The following NUP35 variants were observed in gnomAD, a reference collection of about 807,000 sequenced individuals.
NUP35 encodes the protein nucleoporin 35, also known as nucleoporin NUP35.
Under a neutral mutation model 41.5 loss-of-function variants are expected in NUP35, and 25 were observed. The ratio of observed to expected loss-of-function variants is 0.60; its 90% CI spans 0.44 to 0.84. The LOEUF (loss-of-function observed/expected upper bound fraction) is 0.84, where lower values mean the gene tolerates loss of function less well. NUP35 is among the 40% of genes least tolerant of loss of function. The probability of loss-of-function intolerance (pLI) is 0.00; values close to 1 mark genes in which losing one functional copy is unlikely to be tolerated. For synonymous variants in NUP35, 149 were observed against 130.7 expected (o/e 1.14, Z -0.96); for missense variants, 396 against 396.6 (o/e 1.00, Z 0.01).
chr2:183,159,856 AAATT>A (rs1685807656), intron 8 of NUP35: 1 of 467,076 alleles, frequency 2.1e-6, no homozygotes, highest in Non-Finnish European at 3.7e-6. Flanking sequence ...TAAAAAAAAA[AAATT>A]ATTTGCCATT....
intron 4 of NUP35, among the ~76,000 whole-genome samples, chr2:183,145,546 C>T (rs979656695): frequency 1.3e-5 from 2 of 152,142 alleles, no homozygotes; most frequent in Non-Finnish European, 2.9e-5. Flanking sequence ...TATTCCTCCA[C>T]ATGTACCCCA....
intron 4 of NUP35, among the ~76,000 whole-genome samples, chr2:183,141,522 C>T (rs1301383001): frequency 2.0e-5 from 3 of 152,218 alleles, no homozygotes; most frequent in Admixed American, 1.3e-4. Context: ...AATATAGTTA[C>T]ATCTAACTTT....
chr2:183,131,016 C>G, intron 3 of NUP35: 1 of 744,434 alleles, frequency 1.3e-6, no homozygotes, highest in Non-Finnish European at 2.0e-6. Context: ...GGGTCCTGAT[C>G]AGTTGCCCAG....
intron 4 of NUP35, among the ~76,000 whole-genome samples, chr2:183,150,946 T>C (rs1349316140): frequency 6.6e-6 from 1 of 152,222 alleles, no homozygotes; most frequent in African/African-American, 2.4e-5. Context: ...ACAGAAGTAC[T>C]CAATTGGTGG....
At chr2:183,126,239 C>T (rs576030926) in intron 1 of NUP35, among the ~76,000 whole-genome samples, 8 of 152,310 alleles carry the variant, frequency 5.3e-5, no homozygotes, top group African/African-American at 1.9e-4. Flanking sequence ...GCCATTTTGT[C>T]CAGACTGGTC....
At chr2:183,157,385 A>G in intron 5 of NUP35, 59 bp from the exon 6 acceptor site, 2 of 1,179,394 alleles carry the variant, frequency 1.7e-6, no homozygotes, top group Non-Finnish European at 2.5e-6. Context: ...TCTTGTAGTA[A>G]TTTGCATTCA....
chr2:183,121,206 G>GA (rs889545930), upstream of NUP35, among the ~76,000 whole-genome samples: 8 of 148,942 alleles, frequency 5.4e-5, no homozygotes, highest in Non-Finnish European at 1.0e-4. Context: ...TTGGCAATTA[G>GA]AAAAAAAAAA....
chr2:183,151,564 C>T lies in NUP35; in HGVS notation c.454C>T (p.Pro152Ser). Residue 152 changes from proline to serine, a missense_variant, in exon 5 of 9, where the codon CCT (proline) becomes TCT (serine). Physicochemically the swap from Pro to Ser is moderately conservative, Grantham distance 74 (BLOSUM62 -1). Transcript: ENST00000295119. Reference protein sequence around the residue: ...IGQPRKTTLSPAQLDPFYTQG... With the variant: ...IGQPRKTTLSSAQLDPFYTQG... ...TCAGCCACGAAAGACGACATTATCT[C>T]CTGCCCAGTTGGATCCTTTTTATAC... 6.2e-7 allele frequency: 1 copy of T among 1,613,998 alleles called. No individual in the cohort carries two copies. Among genetic ancestry groups the T allele is most frequent in the Middle Eastern group, 1.6e-4 (1 of 6,062 alleles).
chr2:183,144,050 A>G (rs999559321), intron 4 of NUP35, among the ~76,000 whole-genome samples: 3 of 152,238 alleles, frequency 2.0e-5, no homozygotes, highest in Non-Finnish European at 2.9e-5. Context: ...GTAGTTTACT[A>G]GAAAGACTCA....
intron 1 of NUP35, 76 bp from the exon 2 acceptor site, chr2:183,128,211 C>A: frequency 8.4e-7 from 1 of 1,184,364 alleles, no homozygotes; most frequent in Non-Finnish European, 1.1e-6. Flanking sequence ...ATGTTAGATT[C>A]TTGCATGTTT....
At chr2:183,121,915 T>TTTA (rs71008266), upstream of NUP35, among the ~76,000 whole-genome samples, 54 of 145,360 alleles carry the variant, frequency 3.7e-4, no homozygotes, top group African/African-American at 8.2e-4. Context: ...GGCCATTCTT[T>TTTA]TTATTATTAT....
chr2:183,128,524 C>T, intron 2 of NUP35, 67 bp downstream of exon 2: 3 of 1,133,946 alleles, frequency 2.6e-6, no homozygotes, highest in Non-Finnish European at 3.7e-6. Context: ...TTTTTGGCTT[C>T]CCTGAACCAC....
chr2:183,151,754 C>T, intron 5 of NUP35, 105 bp downstream of exon 5: 1 of 979,032 alleles, frequency 1.0e-6, no homozygotes. Context: ...AGCAAACACC[C>T]ATATTACTAC....
chr2:183,158,180 A>G, intron 6 of NUP35, 103 bp from the exon 7 acceptor site: 1 of 865,688 alleles, frequency 1.2e-6, no homozygotes, highest in Non-Finnish European at 1.6e-6. Flanking sequence ...CAAATACGGA[A>G]TGGAAGTAAA....
At chr2:183,150,820 A>G (rs1222218881) in intron 4 of NUP35, among the ~76,000 whole-genome samples, 4 of 152,182 alleles carry the variant, frequency 2.6e-5, no homozygotes, top group Admixed American at 1.3e-4. Context: ...CATTATTGCT[A>G]CTGTGAAGAT....
intron 1 of NUP35, chr2:183,118,229 T>G (rs1449227703): frequency 2.0e-5 from 3 of 152,170 alleles, no homozygotes; most frequent in Non-Finnish European, 4.4e-5. Context: ...GTTTATTTAG[T>G]GCGTTCAGAA....
chr2:183,122,074 TTTC>T (rs1700076415), upstream of NUP35, among the ~76,000 whole-genome samples: 1 of 151,102 alleles, frequency 6.6e-6, no homozygotes, highest in East Asian at 1.9e-4. Context: ...TCTTTTTCTT[TTTC>T]TTTTCTTTTT....
In NUP35 at chr2:183,133,643, T is replaced by C. The variant is rs770919150; in HGVS notation, c.397+20T>C. The stretch of plus-strand genomic sequence containing the variant: ...GAACAGGTAAGTGATTCTTTCTTTT[T>C]TTTTTTTTTTTTAAAAGACAGGGTC... On this transcript the variant is annotated intron_variant, in intron 4 of 8. Coordinates refer to ENST00000295119, the MANE Select transcript of NUP35 (RefSeq NM_138285.5). 562 of 1,539,594 alleles carry C rather than the reference T, an allele frequency of 3.7e-4. No individual in the cohort carries two copies. Among genetic ancestry groups the C allele is most frequent in the Non-Finnish European group, 4.1e-4 (464 of 1,145,574 alleles).
chr2:183,146,949 A>G (rs891870322), intron 4 of NUP35, among the ~76,000 whole-genome samples: 1 of 152,128 alleles, frequency 6.6e-6, no homozygotes, highest in Non-Finnish European at 1.5e-5. Flanking sequence ...ATGGAATCAC[A>G]TTGTGGTTTT....
Sources: gnomAD v4.1 joint callset for allele counts (sites outside exome capture counted in the v4.1 genomes callset) on GRCh38, gnomAD v4.1.1 for gene constraint, MANE v1.5 for transcripts, NCBI Gene and HGNC (gene_info 2026-07-23, HGNC 2026-07-21) for gene names.